POLA1: variants seen among roughly 807,000 people sequenced by gnomAD.
POLA1 encodes the protein DNA polymerase alpha 1, catalytic subunit, also known as DNA polymerase alpha catalytic subunit.
POLA1 carries 15 observed loss-of-function variants against 124.0 expected under a neutral mutation model. The observed-to-expected ratio is 0.12, with a 90% CI of 0.08 to 0.19. POLA1 has a LOEUF of 0.19. POLA1 is among the 10% of genes least tolerant of loss of function. The pLI, the probability that POLA1 is intolerant of heterozygous loss-of-function variation, is 1.00. For missense variants in POLA1, 886 were observed against 1,103.4 expected (o/e 0.80, Z 2.79); for synonymous variants, 408 against 389.4 (o/e 1.05, Z -0.56).
chrX:24,713,550 G>A (rs896490552), intron 4 of POLA1, among the ~76,000 whole-genome samples: 1 of 111,294 alleles, frequency 9.0e-6, no homozygotes, highest in Non-Finnish European at 1.9e-5. Context: ...CGAGTAGCTG[G>A]GATTACAGGC....
chrX:24,749,989 C>T (rs999938906), intron 26 of POLA1, among the ~76,000 whole-genome samples: 4 of 111,804 alleles, frequency 3.6e-5, no homozygotes, highest in Non-Finnish European at 7.5e-5. Flanking sequence ...GGGAAAAATG[C>T]TTATATTGGG....
intron 36 of POLA1, among the ~76,000 whole-genome samples, chrX:24,987,043 G>A (rs2048487892): frequency 1.8e-5 from 2 of 111,844 alleles, no homozygotes; most frequent in Admixed American, 1.9e-4. Context: ...GCAATGAAAT[G>A]TCACTACTGA....
At chrX:24,864,906 C>A (rs1233352378) in intron 34 of POLA1, among the ~76,000 whole-genome samples, 3 of 111,697 alleles carry the variant, frequency 2.7e-5, no homozygotes, top group Non-Finnish European at 5.6e-5. Context: ...TTTTTAGCTG[C>A]CAAACACTTG....
chrX:24,749,858 C>CT (rs1432836391), intron 26 of POLA1, among the ~76,000 whole-genome samples: 3 of 112,179 alleles, frequency 2.7e-5, no homozygotes, highest in African/African-American at 9.7e-5. Context: ...TGTTTTAGTA[C>CT]TATGTGCATG....
intron 36 of POLA1, among the ~76,000 whole-genome samples, chrX:24,962,389 T>C (rs1302684669): frequency 4.5e-5 from 5 of 112,198 alleles, no homozygotes; most frequent in African/African-American, 1.3e-4. Context: ...TAAACAGATA[T>C]CGCATTAACT....
chrX:24,943,230 A>G (rs2047926304), intron 36 of POLA1, among the ~76,000 whole-genome samples: 1 of 112,913 alleles, frequency 8.9e-6, no homozygotes, highest in African/African-American at 3.2e-5. Context: ...TTAACTATAA[A>G]GAAAAGGAGT....
At chrX:24,767,570 T>G (rs113213755) in intron 26 of POLA1, among the ~76,000 whole-genome samples, 81 of 112,489 alleles carry the variant, frequency 7.2e-4, no homozygotes, top group African/African-American at 2.5e-3. Context: ...TCCAAAAAAT[T>G]TTTTTCTAAC....
intron 26 of POLA1, among the ~76,000 whole-genome samples, chrX:24,808,375 C>T (rs970166094): frequency 8.9e-6 from 1 of 112,297 alleles, no homozygotes; most frequent in East Asian, 2.8e-4. Context: ...TTTAATTGGC[C>T]AGGATTCTGT....
chrX:24,768,790 G>T (rs2044965681), intron 26 of POLA1, among the ~76,000 whole-genome samples: 1 of 111,908 alleles, frequency 8.9e-6, no homozygotes, highest in South Asian at 3.7e-4. Flanking sequence ...GATTCTGCAC[G>T]GTGAATATTA....
chrX:24,797,353 C>T (rs1378991541), intron 26 of POLA1, among the ~76,000 whole-genome samples: 1 of 110,858 alleles, frequency 9.0e-6, no homozygotes, highest in African/African-American at 3.3e-5. Flanking sequence ...TCCCTGTGTT[C>T]TTTGCATCTT....
chrX:24,764,915 C>G (rs1398323537), intron 26 of POLA1, among the ~76,000 whole-genome samples: 2 of 111,301 alleles, frequency 1.8e-5, no homozygotes, highest in Non-Finnish European at 3.8e-5. Flanking sequence ...CTTGTCCCCC[C>G]CAATCTATTC....
intron 34 of POLA1, among the ~76,000 whole-genome samples, chrX:24,854,091 G>A (rs1431549027): frequency 2.7e-5 from 3 of 111,478 alleles, no homozygotes; most frequent in Admixed American, 1.9e-4. Flanking sequence ...TGTCCCCCAG[G>A]CTGGAGTGCA....
intron 26 of POLA1, among the ~76,000 whole-genome samples, chrX:24,790,056 C>G (rs1324774254): frequency 1.8e-5 from 2 of 112,172 alleles, no homozygotes; most frequent in Non-Finnish European, 3.8e-5. Context: ...CTTATGTACT[C>G]TTTTGCAGAT....
intron 35 of POLA1, among the ~76,000 whole-genome samples, chrX:24,923,136 G>T (rs2047640435): frequency 1.8e-5 from 2 of 111,396 alleles, no homozygotes; most frequent in Non-Finnish European, 3.8e-5. Context: ...GATGGAAATT[G>T]CCATGTGCAG....
chrX:24,980,192 C>G (rs904989205), intron 36 of POLA1, among the ~76,000 whole-genome samples: 1 of 111,705 alleles, frequency 9.0e-6, no homozygotes, highest in African/African-American at 3.3e-5. Flanking sequence ...TCAGGAAAAT[C>G]ATTCAGGTGA....
rs557868650 is a variant in POLA1, at chrX:24,851,231, G to C, written c.4047+7554G>C. On this transcript the variant is annotated intron_variant, in intron 34 of 36. Coordinates refer to ENST00000379068, the MANE Select transcript of POLA1 (RefSeq NM_001330360.2). ...ATAGCACAGAATACTGCAGCACCCAGTATTGTGCCTAACGTGATAGGTGCT... is the reference window on the plus strand; with the variant it reads ...ATAGCACAGAATACTGCAGCACCCACTATTGTGCCTAACGTGATAGGTGCT... Among the ~76,000 whole-genome samples the C allele has an allele frequency of 2.7e-5, 3 of 112,487 alleles. No homozygotes were observed. The South Asian group carries it at 1.1e-3, about 42-fold the overall frequency.
chrX:24,913,046 A>G (rs1028424035), intron 35 of POLA1, among the ~76,000 whole-genome samples: 7 of 112,363 alleles, frequency 6.2e-5, no homozygotes, highest in Non-Finnish European at 1.1e-4. Context: ...GTTCATACAA[A>G]TACCTGAATT....
chrX:24,742,506 T>TATGA (rs1451437325), intron 22 of POLA1, among the ~76,000 whole-genome samples: 2 of 112,357 alleles, frequency 1.8e-5, no homozygotes, highest in Non-Finnish European at 3.8e-5. Flanking sequence ...TCTGTACTAG[T>TATGA]ATGACCAAGG....
chrX:24,849,199 A>G (rs1158318479), intron 34 of POLA1, among the ~76,000 whole-genome samples: 2 of 112,650 alleles, frequency 1.8e-5, no homozygotes, highest in Admixed American at 1.9e-4. Context: ...AAGTGGTACA[A>G]AGGCATACAA....
Sources: allele counts gnomAD v4.1 joint callset (sites outside exome capture counted in the v4.1 genomes callset), GRCh38; gene constraint gnomAD v4.1.1; transcripts MANE v1.5; gene names NCBI Gene and HGNC (gene_info 2026-07-23, HGNC 2026-07-21).